Variants in IL31RA observed in about 807,000 individuals in gnomAD.
IL31RA encodes the protein interleukin 31 receptor A, also known as interleukin-31 receptor subunit alpha.
Under a neutral mutation model 83.7 loss-of-function variants are expected in IL31RA, and 66 were observed. That is an observed-to-expected ratio of 0.79 (90% confidence interval 0.65 to 0.97). IL31RA has a LOEUF of 0.97. Among genes scored for constraint, IL31RA ranks in the 50% least tolerant of loss-of-function variants. The pLI, the probability that IL31RA is intolerant of heterozygous loss-of-function variation, is 0.00. For synonymous variants in IL31RA, 325 were observed against 329.0 expected (o/e 0.99, Z 0.13); for missense variants, 798 against 919.4 (o/e 0.87, Z 1.71).
Position 55,856,790 on chromosome 5 carries a change from T to C in IL31RA, c.64-2719T>C, listed in dbSNP as rs76416620. ...CATAATTTCCTTTCGTAGATAGTAC[T>C]GGATAAAAACTGCCAACTTCTGTCT... On this transcript the variant is annotated intron_variant, in intron 1 of 14. Coordinates refer to ENST00000652347, the MANE Select transcript of IL31RA (RefSeq NM_139017.7). 3.3e-3 allele frequency among the ~76,000 whole-genome samples: 504 copies of C among 152,360 alleles called. 6 individuals are homozygous for C. Among genetic ancestry groups the C allele is most frequent in the African/African-American group, 0.012 (490 of 41,584 alleles).
chr5:55,860,532 A>G (rs1008274070), intron 2 of IL31RA, among the ~76,000 whole-genome samples: 1 of 152,214 alleles, frequency 6.6e-6, no homozygotes, highest in African/African-American at 2.4e-5. Flanking sequence ...TTATCTCCAT[A>G]GTTTTTGTGT....
intron 12 of IL31RA, among the ~76,000 whole-genome samples, chr5:55,912,839 C>T (rs888369409): frequency 4.4e-4 from 66 of 151,610 alleles, no homozygotes; most frequent in African/African-American, 1.6e-3. Flanking sequence ...TGATGGCTTG[C>T]ACCTGTAAGT....
intron 1 of IL31RA, among the ~76,000 whole-genome samples, chr5:55,854,361 G>T (rs1355538405): frequency 6.6e-6 from 1 of 152,152 alleles, no homozygotes; most frequent in Admixed American, 6.5e-5. Context: ...TATTTTATTA[G>T]GCTGAAATTG....
At position 55,922,665 on chromosome 5, in the gene IL31RA, G is replaced by A. The variant is rs1750147862; in HGVS notation, c.*5545G>A. The A allele has an allele frequency of 2.0e-6, 1 of 498,502 alleles. No homozygotes were observed. The highest frequency in any genetic ancestry group is 3.5e-6 in the Non-Finnish European group (1 of 283,662). The allele number at this position is 498,502 out of a possible 1,614,324, so 30.9% of individuals were successfully genotyped here. ...AAACATGGTTATGGTAATAGGAACA[G>A]CTTTTAAAATGCTTTTGTATTTGGG... On this transcript the variant is annotated 3_prime_UTR_variant, in exon 15 of 15. Transcript: ENST00000652347.
At chr5:55,902,082 G>A (rs562502449) in intron 8 of IL31RA, among the ~76,000 whole-genome samples, 1 of 152,232 alleles carries the variant, frequency 6.6e-6, no homozygotes, top group African/African-American at 2.4e-5. Context: ...AAGGGTCCTA[G>A]ATCAGGTATT....
chr5:55,859,168 C>T (rs537409884), intron 1 of IL31RA, among the ~76,000 whole-genome samples: 1 of 152,282 alleles, frequency 6.6e-6, no homozygotes, highest in South Asian at 2.1e-4. Flanking sequence ...TTCCATTTGG[C>T]TGGAGGGCCT....
intron 7 of IL31RA, among the ~76,000 whole-genome samples, chr5:55,897,815 G>A (rs910299360): frequency 2.0e-5 from 3 of 152,140 alleles, no homozygotes; most frequent in African/African-American, 4.8e-5. Flanking sequence ...AGAGGAGTGA[G>A]ATGCCAGAAT....
chr5:55,907,634 C>T (rs1427954605), intron 10 of IL31RA, among the ~76,000 whole-genome samples, 174 bp downstream of exon 10: 1 of 152,154 alleles, frequency 6.6e-6, no homozygotes, highest in Non-Finnish European at 1.5e-5. Context: ...CTGGGGTAGA[C>T]ATTAGAGATC....
intron 13 of IL31RA, 60 bp from the exon 14 acceptor site, chr5:55,914,787 C>T: frequency 8.4e-7 from 1 of 1,185,116 alleles, no homozygotes. Flanking sequence ...TTTGACTCAG[C>T]CATATGGTGC....
intron 8 of IL31RA, among the ~76,000 whole-genome samples, chr5:55,902,671 T>A (rs1214156337): frequency 2.0e-5 from 3 of 152,046 alleles, no homozygotes; most frequent in Admixed American, 6.6e-5. Context: ...TTCTACAGAA[T>A]TTTGCTTACT....
chr5:55,853,379 G>A (rs969949916), intron 1 of IL31RA: 25 of 1,364,256 alleles, frequency 1.8e-5, no homozygotes, highest in Non-Finnish European at 2.1e-5. Flanking sequence ...TTTGACTTGG[G>A]CTGGGCTTAA....
chr5:55,907,192 G>A (rs554984600), intron 9 of IL31RA, among the ~76,000 whole-genome samples, 167 bp from the exon 10 acceptor site: 8 of 152,300 alleles, frequency 5.3e-5, no homozygotes, highest in African/African-American at 1.7e-4. Flanking sequence ...TCTGAGAAAA[G>A]CAATAGATAT....
chr5:55,916,920 A>T lies in IL31RA; in HGVS notation c.2095A>T (p.Lys699Ter). ...AGTTTCACCTGAGATTCCGCCCAGA[A>T]AATCCCAATACCTACGTTCGAGGAT... ...LPVSPEIPPR[K>*]SQYLRSRMPE... The change falls in exon 15 of 15, where the codon AAA becomes TAA. Residue 699 changes from lysine (K) to a stop codon, truncating the protein, a stop_gained. Coordinates refer to ENST00000652347, the MANE Select transcript of IL31RA (RefSeq NM_139017.7). LOFTEE classifies it low-confidence loss of function (END_TRUNC). 1 of 1,614,080 alleles carries T rather than the reference A, an allele frequency of 6.2e-7. No homozygotes were observed. Among genetic ancestry groups the T allele is most frequent in the Non-Finnish European group, 8.5e-7 (1 of 1,179,936 alleles).
chr5:55,915,223 C>T (rs1220927109), intron 14 of IL31RA, among the ~76,000 whole-genome samples: 1 of 152,202 alleles, frequency 6.6e-6, no homozygotes, highest in African/African-American at 2.4e-5. Context: ...CTGGCCCTAC[C>T]CTTCCTGACC....
At chr5:55,872,662 A>G (rs1746602522) in intron 4 of IL31RA, among the ~76,000 whole-genome samples, 3 of 151,832 alleles carry the variant, frequency 2.0e-5, no homozygotes, top group African/African-American at 7.3e-5. Context: ...GATTCACCAA[A>G]TGGGAAAAAA....
intron 2 of IL31RA, among the ~76,000 whole-genome samples, chr5:55,860,823 A>G (rs565199335): frequency 6.6e-6 from 1 of 152,292 alleles, no homozygotes; most frequent in African/African-American, 2.4e-5. Flanking sequence ...ATAACAAAAT[A>G]CCTCAGACTG....
intron 4 of IL31RA, among the ~76,000 whole-genome samples, chr5:55,877,239 C>T (rs893971352): frequency 3.3e-5 from 5 of 152,168 alleles, no homozygotes; most frequent in Non-Finnish European, 7.3e-5. Context: ...AACTCTACTC[C>T]TACACAGCTT....
upstream of IL31RA, chr5:55,851,287 T>C (rs189709236): frequency 3.4e-3 from 1,676 of 499,406 alleles, 6 homozygotes; most frequent in Middle Eastern, 0.013. Flanking sequence ...ATTGAACTCA[T>C]GGCTAATAAC....
chr5:55,913,580 C>T lies in IL31RA; in HGVS notation c.1736+10C>T. 4 of 1,569,028 alleles carry T rather than the reference C, an allele frequency of 2.5e-6. No individual in the cohort carries two copies. Among genetic ancestry groups the T allele is most frequent in the Middle Eastern group, 3.3e-4 (2 of 5,980 alleles). On this transcript the variant is annotated intron_variant, in intron 13 of 14. Transcript: ENST00000652347. ...GTCTCAAAAAACCCAAGTGAGTCTG[C>T]AGACAACAGTGGGTGCCTTAAAAAT...
Sources: allele counts gnomAD v4.1 joint callset (sites outside exome capture counted in the v4.1 genomes callset), GRCh38; gene constraint gnomAD v4.1.1; transcripts MANE v1.5; gene names NCBI Gene and HGNC (gene_info 2026-07-23, HGNC 2026-07-21).